SLC25A39: variants seen among roughly 807,000 people sequenced by gnomAD.
SLC25A39 encodes mitochondrial glutathione transporter SLC25A39.
In SLC25A39, 44 loss-of-function variants were observed where a neutral mutation model predicts 46.6. The observed-to-expected ratio is 0.94, with a 90% confidence interval of 0.74 to 1.21. The LOEUF is 1.21. Among genes scored for constraint, SLC25A39 ranks in the 50% most tolerant of loss-of-function variants. The pLI, the probability that SLC25A39 is intolerant of heterozygous loss-of-function variation, is 0.00. For missense variants in SLC25A39, 487 were observed against 473.0 expected (o/e 1.03, Z -0.28); for synonymous variants, 218 against 190.6 (o/e 1.14, Z -1.19).
chr17:44,320,330 C>T, intron 10 of SLC25A39, 25 bp downstream of exon 10: 7 of 1,613,534 alleles, frequency 4.3e-6, no homozygotes, highest in Non-Finnish European at 5.9e-6. Flanking sequence ...CACCTGTCCC[C>T]TGCCACGGCA....
At chr17:44,322,899 C>A (rs765181172) in intron 3 of SLC25A39, 47 bp from the exon 4 acceptor site, 28 of 1,595,536 alleles carry the variant, frequency 1.8e-5, no homozygotes, top group Non-Finnish European at 2.2e-5. Flanking sequence ...CCCACCCGCC[C>A]TAGGGACCCC....
Position 44,323,284 on chromosome 17 carries a change from C to T in SLC25A39, c.145G>A (p.Glu49Lys). The change falls in exon 3 of 12, where the codon GAG (glutamate) becomes AAG (lysine). Residue 49 changes from glutamate to lysine, a missense_variant and splice_region_variant. Glu to Lys is a moderately conservative substitution (Grantham distance 56). Coordinates refer to ENST00000377095, the MANE Select transcript of SLC25A39 (RefSeq NM_001143780.3). Reference sequence around the variant, plus strand: ...CACTAGTTCCAGGTCAGGTACTCACCGCTGGCCATGGAGGGCCGCTGAGAC... The same window carrying T: ...CACTAGTTCCAGGTCAGGTACTCACTGCTGGCCATGGAGGGCCGCTGAGAC... Reference protein sequence around the residue: ...LQSQRPSMASELMPSSRLWSL... With the variant: ...LQSQRPSMASKLMPSSRLWSL... The T allele has an allele frequency of 1.2e-6, 2 of 1,613,834 alleles. No individual in the cohort carries two copies. Among genetic ancestry groups the T allele is most frequent in the Non-Finnish European group, 1.7e-6 (2 of 1,179,952 alleles).
intron 2 of SLC25A39, 31 bp downstream of exon 2, chr17:44,323,447 C>CCCCCT: frequency 7.5e-7 from 1 of 1,325,822 alleles, no homozygotes; most frequent in African/African-American, 1.5e-5. Flanking sequence ...CCATCCCCAC[C>CCCCCT]CGCCCCCACC....
Position 44,320,905 on chromosome 17 carries a change from A to G in SLC25A39, c.691+153T>C, listed in dbSNP as rs3744430. The G allele has an allele frequency of 9.9e-5, 104 of 1,050,152 alleles. No individual in the cohort carries two copies. The East Asian group carries it at 2.6e-3, about 27-fold the overall frequency. 65.1% of individuals were successfully genotyped at this position (1,050,152 alleles called of 1,614,324 possible). A position where few individuals can be genotyped will look rare whatever the true frequency, so the allele number is the denominator to read the frequency against. On this transcript the variant is annotated intron_variant, in intron 8 of 11. Coordinates refer to ENST00000377095, the MANE Select transcript of SLC25A39 (RefSeq NM_001143780.3). ...TCCTGACCGCCTGGGCAAATACTCT[A>G]CCTGCTAGGCCCACTTCACAGATGA...
rs765488036 is a variant in SLC25A39, at chr17:44,320,716, T to C, written c.707A>G (p.Asn236Ser). 9.9e-6 allele frequency: 16 copies of C among 1,613,906 alleles called. No individual in the cohort carries two copies. The highest frequency in any genetic ancestry group is 1.3e-5 in the African/African-American group (1 of 75,038). Residue 236 changes from asparagine (N) to serine (S), a missense_variant, in exon 9 of 12, where the codon AAC becomes AGC. Transcript: ENST00000377095. ...GAGCCAGCTCTTCACCAGCTCATAG[T>C]TGAACCAGTACAGGGCTTGGGGTGG... ...DVPFSALYWF[N>S]YELVKSWLNG...
Position 44,323,540 on chromosome 17 carries a change from C to G in SLC25A39, c.23G>C (p.Gly8Ala), listed in dbSNP as rs754271365. MADQDPA[G>A]ISPLQQMVAS... ...CACCATTTGCTGGAGGGGGCTGATG[C>G]CCGCAGGGTCCTGGTCAGCCATCTT... The change falls in exon 2 of 12, where the codon GGC becomes GCC. Residue 8 changes from glycine to alanine, a missense_variant. Gly to Ala is a moderately conservative substitution (Grantham distance 60). Transcript: ENST00000377095. The G allele has an allele frequency of 1.3e-6, 2 of 1,571,336 alleles. No individual in the cohort carries two copies. The highest frequency in any genetic ancestry group is 8.6e-7 in the Non-Finnish European group (1 of 1,159,208).
At chr17:44,320,889 C>G in intron 8 of SLC25A39, 158 bp from the exon 9 acceptor site, 1 of 989,570 alleles carries the variant, frequency 1.0e-6, no homozygotes, top group South Asian at 1.7e-5. Flanking sequence ...CTCCTGACCG[C>G]CTGGGCAAAT....
Position 44,320,128 on chromosome 17 carries a change from A to G in SLC25A39, c.965-12T>C. The G allele has an allele frequency of 5.6e-6, 9 of 1,614,024 alleles. No homozygotes were observed. The highest frequency in any genetic ancestry group is 7.6e-6 in the Non-Finnish European group (9 of 1,179,994). Reference sequence around the variant, plus strand: ...CCGAGGAAGGAAGCCTGCAGTGGAAAGGAGGCCCGTGTCAGGGGTCAGGTC... The same window carrying G: ...CCGAGGAAGGAAGCCTGCAGTGGAAGGGAGGCCCGTGTCAGGGGTCAGGTC... On this transcript the variant is annotated splice_polypyrimidine_tract_variant and intron_variant, in intron 11 of 11. Transcript: ENST00000377095.
At position 44,321,488 on chromosome 17, in the gene SLC25A39, G is replaced by C; in HGVS notation, c.463C>G (p.Arg155Gly). The C allele has an allele frequency of 6.2e-7, 1 of 1,614,052 alleles. No individual in the cohort carries two copies. The highest frequency in any genetic ancestry group is 8.5e-7 in the Non-Finnish European group (1 of 1,179,990). Residue 155 changes from arginine to glycine, a missense_variant, in exon 7 of 12, where the codon CGA becomes GGA. Arg to Gly is a moderately radical substitution (Grantham distance 125, BLOSUM62 -2). Transcript: ENST00000377095. The stretch of plus-strand genomic sequence containing the variant: ...GCGTAGAGGTCAGAGGTCAGGGCTC[G>C]ACCACACAGGAAGGCCTTCAGTTGG... ...YDQLKAFLCG[R>G]ALTSDLYAPM... is the part of the protein sequence containing the mutation.
intron 11 of SLC25A39, 26 bp from the exon 12 acceptor site, chr17:44,320,142 A>AG: frequency 6.2e-7 from 1 of 1,613,842 alleles, no homozygotes; most frequent in Non-Finnish European, 8.5e-7. Flanking sequence ...GGCCCGTGTC[A>AG]GGGGTCAGGT....
rs2047958005 is a variant in SLC25A39 at position 44,319,835 on chromosome 17, G to A, written c.*166C>T. ...GCAGCAGGAAGAAGTTGTGTCTGAG[G>A]AAGTGCTGGGCCGCCCAGAGGGACA... On this transcript the variant is annotated 3_prime_UTR_variant, in exon 12 of 12. Transcript: ENST00000377095. The A allele has an allele frequency of 9.8e-6, 6 of 614,330 alleles. No individual in the cohort carries two copies. Among genetic ancestry groups the A allele is most frequent in the Non-Finnish European group, 1.4e-5 (5 of 350,340 alleles). The allele number at this position is 614,330 out of a possible 1,614,324, so 38.1% of individuals were successfully genotyped here.
Position 44,321,722 on chromosome 17 carries a change from A to G in SLC25A39, c.370T>C (p.Trp124Arg), listed in dbSNP as rs956336709. The change falls in exon 6 of 12, where the codon TGG (tryptophan) becomes CGG (arginine). Residue 124 changes from tryptophan to arginine, a missense_variant. Coordinates refer to ENST00000377095, the MANE Select transcript of SLC25A39 (RefSeq NM_001143780.3). ...IVRHEGTRTLWSGLPATLVMT... is the reference protein window; with the variant it reads ...IVRHEGTRTLRSGLPATLVMT... ...CACAGGGTGGCGGGGAGGCCGCTCC[A>G]GAGGGTCCTGGTGCCCTCGTGCCTC... 2 of 1,612,398 alleles carry G rather than the reference A, an allele frequency of 1.2e-6. No homozygotes were observed. Among genetic ancestry groups the G allele is most frequent in the African/African-American group, 2.7e-5 (2 of 74,928 alleles).
At chr17:44,321,327 AC>A in intron 7 of SLC25A39, 96 bp from the exon 8 acceptor site, 3 of 1,584,744 alleles carry the variant, frequency 1.9e-6, no homozygotes. Flanking sequence ...GACCTAGAAC[AC>A]CCCCCTATCC....
intron 2 of SLC25A39, 34 bp downstream of exon 2, chr17:44,323,444 C>CGA: frequency 8.0e-7 from 1 of 1,246,174 alleles, no homozygotes; most frequent in Non-Finnish European, 1.1e-6. Context: ...GCCCCATCCC[C>CGA]ACCCGCCCCC....
rs772436512 is a variant in SLC25A39, at chr17:44,323,569, G to A, written c.-7C>T. On this transcript the variant is annotated 5_prime_UTR_variant, in exon 2 of 12. Coordinates refer to ENST00000377095, the MANE Select transcript of SLC25A39 (RefSeq NM_001143780.3). ...CAGGGTCCTGGTCAGCCATCTTGAA[G>A]CTTCAGTCCTGAAAACCAAACCTCA... The A allele has an allele frequency of 1.3e-6, 2 of 1,564,684 alleles. No homozygotes were observed. The highest frequency in any genetic ancestry group is 1.2e-5 in the South Asian group (1 of 84,856).
chr17:44,323,912 T>C (rs1358888520), intron 1 of SLC25A39: 2 of 306,788 alleles, frequency 6.5e-6, no homozygotes, highest in Non-Finnish European at 1.2e-5. Flanking sequence ...AGCACTGGGA[T>C]TACAGGCGTG....
chr17:44,320,543 CT>C, intron 9 of SLC25A39, 78 bp downstream of exon 9: 1 of 1,577,310 alleles, frequency 6.3e-7, no homozygotes, highest in Non-Finnish European at 8.7e-7. Context: ...ATGGGGTCTG[CT>C]TCTGGGCATC....
chr17:44,324,795 C>G lies in SLC25A39; in HGVS notation c.-100G>C, dbSNP rs1429450896. The G allele has an allele frequency of 6.6e-6, 1 of 152,044 alleles. No homozygotes were observed. Among genetic ancestry groups the G allele is most frequent in the Non-Finnish European group, 1.5e-5 (1 of 68,018 alleles). The allele number at this position is 152,044 out of a possible 1,614,324, so 9.4% of individuals were successfully genotyped here. On this transcript the variant is annotated 5_prime_UTR_variant, in exon 1 of 12. Transcript: ENST00000377095. Reference sequence around the variant, plus strand: ...CTCCGCCGCCTGTGCGCGGTCCGCGCGCGCTCGCAGCGCACCTAGGCCGAC... The same window carrying G: ...CTCCGCCGCCTGTGCGCGGTCCGCGGGCGCTCGCAGCGCACCTAGGCCGAC...
intron 1 of SLC25A39, chr17:44,323,862 G>C: frequency 1.1e-5 from 4 of 376,766 alleles, no homozygotes; most frequent in South Asian, 9.7e-5. Flanking sequence ...AGATGATCTC[G>C]ATCTCCTGAC....
Sources: allele counts gnomAD v4.1 joint callset, GRCh38; gene constraint gnomAD v4.1.1; transcripts MANE v1.5; gene names NCBI Gene and HGNC (gene_info 2026-07-23, HGNC 2026-07-21).